The following BCAR3 variants were observed in gnomAD, a reference collection of about 807,000 sequenced individuals.
BCAR3 encodes the protein BCAR3 adaptor protein, NSP family member, also known as breast cancer anti-estrogen resistance protein 3.
Under a neutral mutation model 80.1 loss-of-function variants are expected in BCAR3, and 37 were observed. The ratio of observed to expected loss-of-function variants is 0.46; its 90% CI spans 0.36 to 0.61. The LOEUF (loss-of-function observed/expected upper bound fraction) is 0.61, where lower values mean the gene tolerates loss of function less well. Ranked by LOEUF, BCAR3 falls within the 20% of genes least tolerant of loss-of-function variation. BCAR3 has a pLI of 0.00. For missense variants in BCAR3, 978 were observed against 1,068.2 expected, an observed-to-expected ratio of 0.92 and a Z score of 1.18; for synonymous variants, 389 against 418.9, an observed-to-expected ratio of 0.93 and a Z score of 0.87.
intron 8 of BCAR3, among the ~76,000 whole-genome samples, chr1:93,575,030 C>T (rs1367653793): frequency 2.0e-5 from 3 of 152,124 alleles, no homozygotes; most frequent in Admixed American, 6.5e-5. Flanking sequence ...TCTAAAGCAG[C>T]GACATCCATC....
At chr1:93,701,872 C>T (rs1366792874) in intron 3 of BCAR3, among the ~76,000 whole-genome samples, 1 of 152,166 alleles carries the variant, frequency 6.6e-6, no homozygotes, top group Non-Finnish European at 1.5e-5. Context: ...CTGGTACCTG[C>T]CTTAAGAACA....
upstream of BCAR3, among the ~76,000 whole-genome samples, chr1:93,682,567 T>C (rs535102471): frequency 1.3e-5 from 2 of 152,314 alleles, no homozygotes; most frequent in South Asian, 4.2e-4. Flanking sequence ...GGAATTTTTC[T>C]TTTCGAGACA....
chr1:93,649,039 G>A (rs236300), intron 2 of BCAR3, among the ~76,000 whole-genome samples: 6,543 of 152,222 alleles, frequency 0.043, 213 homozygotes, highest in African/African-American at 0.084. Context: ...AGGAACCAGA[G>A]AAGAAAAATT....
intron 2 of BCAR3, among the ~76,000 whole-genome samples, chr1:93,669,244 A>G (rs1375038509): frequency 6.6e-6 from 1 of 152,196 alleles, no homozygotes. Context: ...ACAGAAACCA[A>G]TGGTTCTGAA....
At chr1:93,640,632 C>T (rs1387307112) in intron 3 of BCAR3, among the ~76,000 whole-genome samples, 1 of 152,222 alleles carries the variant, frequency 6.6e-6, no homozygotes, top group East Asian at 1.9e-4. Flanking sequence ...CCACTGACAA[C>T]TCCAATATCT....
intron 2 of BCAR3, among the ~76,000 whole-genome samples, chr1:93,651,902 C>A (rs1475730328): frequency 2.0e-5 from 3 of 152,206 alleles, no homozygotes; most frequent in Admixed American, 2.0e-4. Context: ...CCTGTGGAAG[C>A]ATCCACACCG....
At chr1:93,623,233 T>C (rs531734183) in intron 3 of BCAR3, among the ~76,000 whole-genome samples, 8 of 152,330 alleles carry the variant, frequency 5.3e-5, no homozygotes, top group African/African-American at 1.9e-4. Context: ...CAACATTTTA[T>C]ATATGTATCC....
At chr1:93,651,430 A>G (rs1676323812) in intron 2 of BCAR3, among the ~76,000 whole-genome samples, 1 of 152,212 alleles carries the variant, frequency 6.6e-6, no homozygotes. Context: ...AGCATGTGAG[A>G]GCAGAGACTG....
intron 2 of BCAR3, among the ~76,000 whole-genome samples, chr1:93,831,732 C>T (rs1342534024): frequency 6.6e-6 from 1 of 152,088 alleles, no homozygotes. Context: ...AGCCAGGTCC[C>T]AATTCTTCCT....
At chr1:93,835,138 C>T (rs1654717094) in intron 2 of BCAR3, among the ~76,000 whole-genome samples, 1 of 152,186 alleles carries the variant, frequency 6.6e-6, no homozygotes, top group Non-Finnish European at 1.5e-5. Context: ...TACACATCAA[C>T]ATTTATACTG....
chr1:93,630,049 A>G (rs953046040), intron 3 of BCAR3, among the ~76,000 whole-genome samples: 1 of 152,198 alleles, frequency 6.6e-6, no homozygotes, highest in African/African-American at 2.4e-5. Flanking sequence ...CCCTAAATTT[A>G]AGTGCCCAGT....
rs1338889476 is a variant in BCAR3 at position 93,639,498 on chromosome 1, T to TG, written c.357+2805dup. ...GCATTTTTTTTTTTTTTTTTTGAGATGGAGTCTCACTCTTGTCACCCAGGC... is the reference window on the plus strand; with the variant it reads ...GCATTTTTTTTTTTTTTTTTTGAGATGGGAGTCTCACTCTTGTCACCCAGGC... On this transcript the variant is annotated intron_variant, in intron 3 of 11. Transcript: ENST00000260502. 2.8e-5 allele frequency among the ~76,000 whole-genome samples: 4 copies of TG among 141,630 alleles called. 1 individual carries two copies. The highest frequency in any genetic ancestry group is 3.1e-5 in the Non-Finnish European group (2 of 65,094). 92.9% of individuals were successfully genotyped at this position (141,630 alleles called of 152,430 possible).
intron 3 of BCAR3, among the ~76,000 whole-genome samples, chr1:93,629,052 G>A (rs1428631519): frequency 6.6e-6 from 1 of 152,162 alleles, no homozygotes; most frequent in African/African-American, 2.4e-5. Flanking sequence ...ATGGAATGAT[G>A]TCCAATGAAA....
At chr1:93,830,188 T>G (rs1654509264) in intron 2 of BCAR3, among the ~76,000 whole-genome samples, 1 of 152,054 alleles carries the variant, frequency 6.6e-6, no homozygotes, top group Non-Finnish European at 1.5e-5. Context: ...TTTGGCCGGG[T>G]GTGGTGGCTC....
intron 2 of BCAR3, among the ~76,000 whole-genome samples, chr1:93,738,537 G>A (rs1319740320): frequency 6.6e-6 from 1 of 152,256 alleles, no homozygotes; most frequent in Non-Finnish European, 1.5e-5. Flanking sequence ...TCCCGGCAGA[G>A]CTGACCGCAG....
At chr1:93,647,142 A>T (rs189465865) in intron 2 of BCAR3, among the ~76,000 whole-genome samples, 121 of 152,346 alleles carry the variant, frequency 7.9e-4, no homozygotes, top group African/African-American at 2.6e-3. Context: ...GAATCAGGAA[A>T]TAAGAGATGA....
intron 3 of BCAR3, among the ~76,000 whole-genome samples, chr1:93,620,899 G>C (rs1196700723): frequency 1.3e-5 from 2 of 152,200 alleles, no homozygotes; most frequent in African/African-American, 4.8e-5. Flanking sequence ...CTTCTGCCTA[G>C]ATCTCCTTCT....
chr1:93,658,973 T>C (rs943954586), intron 2 of BCAR3, among the ~76,000 whole-genome samples: 29 of 152,172 alleles, frequency 1.9e-4, no homozygotes, highest in Non-Finnish European at 2.1e-4. Context: ...CCAGGGTATG[T>C]CACACAATCA....
chr1:93,809,581 A>C (rs1653759785), intron 2 of BCAR3, among the ~76,000 whole-genome samples: 2 of 152,024 alleles, frequency 1.3e-5, no homozygotes, highest in South Asian at 4.2e-4. Flanking sequence ...CACTCTGACC[A>C]ACATGGCAAA....
Sources: gnomAD v4.1 joint callset for allele counts (sites outside exome capture counted in the v4.1 genomes callset) on GRCh38, gnomAD v4.1.1 for gene constraint, MANE v1.5 for transcripts, NCBI Gene and HGNC (gene_info 2026-07-23, HGNC 2026-07-21) for gene names.